The following JHY variants were observed in gnomAD, a reference collection of about 807,000 sequenced individuals.
JHY encodes junctional cadherin complex regulator, also known as jhy protein homolog.
In JHY, 69 loss-of-function variants were observed where a neutral mutation model predicts 78.0. The observed-to-expected ratio is 0.88, with a 90% CI of 0.73 to 1.08. The LOEUF (loss-of-function observed/expected upper bound fraction) is 1.08, where lower values mean the gene tolerates loss of function less well. Among genes scored for constraint, JHY ranks in the 50% least tolerant of loss-of-function variants. JHY has a pLI of 0.00. For synonymous variants in JHY, 368 were observed against 342.6 expected, an observed-to-expected ratio of 1.07 and a Z score of -0.82; for missense variants, 944 against 927.8, an observed-to-expected ratio of 1.02 and a Z score of -0.23.
chr11:122,949,911 A>G (rs1205784064), intron 6 of JHY, among the ~76,000 whole-genome samples: 1 of 148,734 alleles, frequency 6.7e-6, no homozygotes, highest in African/African-American at 2.5e-5. Context: ...ATCTCGGCTC[A>G]CTGCAACCTC....
intron 3 of JHY, among the ~76,000 whole-genome samples, chr11:122,916,990 A>G (rs1394555489): frequency 6.6e-6 from 1 of 151,056 alleles, no homozygotes; most frequent in Non-Finnish European, 1.5e-5. Flanking sequence ...CACCCCCAAC[A>G]TGTTATTTTG....
chr11:122,934,644 A>G lies in JHY; in HGVS notation c.1203A>G (p.Gln401=). ...QNNPPRQQQN[Q]NKPLDTSTKP... ...ACCCTCCCAGGCAGCAACAAAACCA[A>G]AATAAGCCTCTTGATACTTCAACAA... The change falls in exon 5 of 9, where the codon CAA becomes CAG. Residue 401 remains glutamine, a synonymous_variant. Transcript: ENST00000227349. 2 of 1,614,148 alleles carry G rather than the reference A, an allele frequency of 1.2e-6. No individual in the cohort carries two copies. The highest frequency in any genetic ancestry group is 1.7e-6 in the Non-Finnish European group (2 of 1,180,022).
rs747391601 is a variant in JHY at position 122,903,942 on chromosome 11, A to G, written c.362A>G (p.Asp121Gly). 1 of 1,588,714 alleles carries G rather than the reference A, an allele frequency of 6.3e-7. No individual in the cohort carries two copies. The highest frequency in any genetic ancestry group is 8.6e-7 in the Non-Finnish European group (1 of 1,165,402). The change falls in exon 3 of 9, where the codon GAC becomes GGC. Residue 121 changes from aspartate to glycine, a missense_variant. Physicochemically the swap from Asp to Gly is moderately conservative, Grantham distance 94. Coordinates refer to ENST00000227349, the MANE Select transcript of JHY (RefSeq NM_024806.4). Reference protein sequence around the residue: ...GANNRQQPIEDKYSDLRYDPN... With the variant: ...GANNRQQPIEGKYSDLRYDPN... ...TTGGGCAGGCAACAACCAATAGAAG[A>G]CAAATATTCAGACCTCCGCTATGAC...
rs1007483889 is a variant in JHY at position 122,912,244 on chromosome 11, G to A, written c.864+7800G>A. Among the ~76,000 whole-genome samples the A allele has an allele frequency of 1.3e-4, 19 of 146,574 alleles. 1 individual carries two copies. The highest frequency in any genetic ancestry group is 3.7e-3 in the Middle Eastern group (1 of 272). The stretch of plus-strand genomic sequence containing the variant: ...GGAGGTTGCAGTGAGCCGAGATCTC[G>A]CCACTGCACTCCAGCCTAGGTGACA... On this transcript the variant is annotated intron_variant, in intron 3 of 8. Coordinates refer to ENST00000227349, the MANE Select transcript of JHY (RefSeq NM_024806.4).
chr11:122,930,109 C>T (rs1863605595), intron 4 of JHY, among the ~76,000 whole-genome samples: 1 of 152,176 alleles, frequency 6.6e-6, no homozygotes, highest in Non-Finnish European at 1.5e-5. Context: ...GAGAAAGGGT[C>T]TTGCTCTATC....
chr11:122,923,717 A>ATATT (rs911533368), intron 3 of JHY, among the ~76,000 whole-genome samples: 22 of 150,944 alleles, frequency 1.5e-4, no homozygotes, highest in Admixed American at 1.1e-3. Context: ...TTATCTATTT[A>ATATT]TATTTATTTA....
chr11:122,895,711 C>T lies in JHY; in HGVS notation c.345-8214C>T, dbSNP rs193128212. Among the ~76,000 whole-genome samples, 46 of 152,244 alleles carry T rather than the reference C, an allele frequency of 3.0e-4. No individual in the cohort carries two copies. In the East Asian group the frequency reaches 6.4e-3, roughly 21 times the overall value. ...AGTTGTGTACTCATTTTCTGTGTAA[C>T]CTTTCTATCAAATGGGGAGGAAAAG... is the stretch of plus-strand genomic sequence containing the variant. On this transcript the variant is annotated intron_variant, in intron 2 of 8. Coordinates refer to ENST00000227349, the MANE Select transcript of JHY (RefSeq NM_024806.4).
At chr11:122,956,406 C>A in intron 6 of JHY, 90 bp from the exon 7 acceptor site, 1 of 1,060,762 alleles carries the variant, frequency 9.4e-7, no homozygotes, top group Non-Finnish European at 1.4e-6. Context: ...TTCTTTCTTA[C>A]TTTATGTGGC....
intron 2 of JHY, among the ~76,000 whole-genome samples, chr11:122,886,676 AG>A: frequency 6.6e-6 from 1 of 152,262 alleles, no homozygotes; most frequent in South Asian, 2.1e-4. Context: ...TTGAACTCCT[AG>A]CCTCAAGCAA....
chr11:122,913,479 C>T (rs1199491593), intron 3 of JHY, among the ~76,000 whole-genome samples: 1 of 152,118 alleles, frequency 6.6e-6, no homozygotes, highest in Non-Finnish European at 1.5e-5. Flanking sequence ...GACCTGGCTC[C>T]TTCCTGCTCC....
chr11:122,888,662 A>C (rs1306043769), intron 2 of JHY, among the ~76,000 whole-genome samples: 1 of 152,146 alleles, frequency 6.6e-6, no homozygotes, highest in Non-Finnish European at 1.5e-5. Flanking sequence ...TTACAGATAA[A>C]GTTTCCATGT....
At chr11:122,926,208 AAAAAAG>A (rs1290033411) in intron 4 of JHY, among the ~76,000 whole-genome samples, 1,358 of 89,286 alleles carry the variant, frequency 0.015, 18 homozygotes, top group Admixed American at 0.034. Context: ...AAAAAAAAAG[AAAAAAG>A]AAAAAGAAAA....
chr11:122,923,723 ATT>A (rs1863427612), intron 3 of JHY, among the ~76,000 whole-genome samples: 1 of 151,006 alleles, frequency 6.6e-6, no homozygotes, highest in African/African-American at 2.4e-5. Context: ...ATTTATATTT[ATT>A]TATTTATTTT....
intron 3 of JHY, among the ~76,000 whole-genome samples, chr11:122,924,539 G>C (rs749201850): frequency 6.6e-6 from 1 of 152,150 alleles, no homozygotes; most frequent in Non-Finnish European, 1.5e-5. Context: ...TCATCTTGGC[G>C]TATAGTGTTA....
intron 6 of JHY, 50 bp downstream of exon 6, chr11:122,946,842 A>C: frequency 6.4e-7 from 1 of 1,552,086 alleles, no homozygotes; most frequent in Non-Finnish European, 8.7e-7. Context: ...TTGAGAATAC[A>C]GATGGACCTT....
At chr11:122,949,844 T>TC (rs1264212143) in intron 6 of JHY, among the ~76,000 whole-genome samples, 1 of 150,952 alleles carries the variant, frequency 6.6e-6, no homozygotes, top group African/African-American at 2.4e-5. Flanking sequence ...TCTTTTCTTT[T>TC]TTTTTTTTTT....
At chr11:122,904,985 C>A (rs147648934) in intron 3 of JHY, among the ~76,000 whole-genome samples, 1,914 of 151,726 alleles carry the variant, frequency 0.013, 28 homozygotes, top group Non-Finnish European at 0.019. Flanking sequence ...ACATATTGGG[C>A]GGTCGGGGAG....
intron 4 of JHY, among the ~76,000 whole-genome samples, chr11:122,925,301 G>GA (rs1863472737): frequency 6.6e-6 from 1 of 152,144 alleles, no homozygotes; most frequent in Non-Finnish European, 1.5e-5. Context: ...AGACATGCAG[G>GA]AAAAATCACA....
intron 5 of JHY, among the ~76,000 whole-genome samples, chr11:122,940,741 A>G (rs1863857484): frequency 6.6e-6 from 1 of 152,132 alleles, no homozygotes; most frequent in African/African-American, 2.4e-5. Context: ...GGGGTTGCAA[A>G]ATGGTGATTT....
Sources: gnomAD v4.1 joint callset for allele counts (sites outside exome capture counted in the v4.1 genomes callset) on GRCh38, gnomAD v4.1.1 for gene constraint, MANE v1.5 for transcripts, NCBI Gene and HGNC (gene_info 2026-07-23, HGNC 2026-07-21) for gene names.